The following ZNF493 variants were observed in gnomAD, a reference collection of about 807,000 sequenced individuals.
ZNF493 encodes the protein zinc finger protein 493.
In ZNF493, 11 loss-of-function variants were observed where a neutral mutation model predicts 12.2. The ratio of observed to expected loss-of-function variants is 0.90; its 90% CI spans 0.57 to 1.50. ZNF493 has a LOEUF of 1.50. Among genes scored for constraint, ZNF493 ranks in the 40% most tolerant of loss-of-function variants. ZNF493 has a pLI of 0.00. For synonymous variants in ZNF493, 286 were observed against 302.6 expected, an observed-to-expected ratio of 0.95 and a Z score of 0.57; for missense variants, 950 against 906.6, an observed-to-expected ratio of 1.05 and a Z score of -0.61.
chr19:21,419,267 A>G (rs529311400), intron 3 of ZNF493, among the ~76,000 whole-genome samples: 2 of 152,140 alleles, frequency 1.3e-5, no homozygotes, highest in African/African-American at 2.4e-5. Context: ...TTGGTGTTGG[A>G]TAATTGATTG....
chr19:21,410,394 G>A (rs1202694144), intron 3 of ZNF493, among the ~76,000 whole-genome samples: 2 of 151,974 alleles, frequency 1.3e-5, no homozygotes, highest in African/African-American at 2.4e-5. Context: ...TTTTATAGTG[G>A]CCATTGTAAT....
chr19:21,417,113 A>G (rs891580061), intron 3 of ZNF493, among the ~76,000 whole-genome samples: 5 of 152,170 alleles, frequency 3.3e-5, no homozygotes, highest in African/African-American at 1.2e-4. Flanking sequence ...TCAGGTTCCC[A>G]TCTTTATCAA....
At chr19:21,415,078 T>G (rs2030440246) in intron 3 of ZNF493, among the ~76,000 whole-genome samples, 1 of 152,146 alleles carries the variant, frequency 6.6e-6, no homozygotes, top group African/African-American at 2.4e-5. Flanking sequence ...AGCGATTTGA[T>G]TTAAATAAGG....
intron 3 of ZNF493, chr19:21,408,208 T>C (rs4341872): frequency 0.72 from 652,982 of 901,934 alleles, 236,342 homozygotes; most frequent in Middle Eastern, 0.74. Flanking sequence ...TCATCAAAAC[T>C]TTTGCCTCCC....
intron 3 of ZNF493, 85 bp from the exon 4 acceptor site, chr19:21,422,828 T>G: frequency 8.2e-7 from 1 of 1,224,418 alleles, no homozygotes; most frequent in Non-Finnish European, 1.1e-6. Flanking sequence ...TTTATGCAGT[T>G]TGTATAATAT....
In ZNF493 at chr19:21,427,268, A is replaced by G. The variant is rs902883132; in HGVS notation, c.*2284A>G. ...TTTTGCATTATGAGAAAACTAGTATATTATTCATATATTTTACTAATTGTA... is the reference window on the plus strand; with the variant it reads ...TTTTGCATTATGAGAAAACTAGTATGTTATTCATATATTTTACTAATTGTA... On this transcript the variant is annotated 3_prime_UTR_variant, in exon 4 of 4. Transcript: ENST00000392288. 6.1e-6 allele frequency: 1 copy of G among 163,720 alleles called. No individual in the cohort carries two copies. Among genetic ancestry groups the G allele is most frequent in the Admixed American group, 6.6e-5 (1 of 15,144 alleles). 10.1% of individuals were successfully genotyped at this position (163,720 alleles called of 1,614,324 possible).
At chr19:21,399,158 A>T (rs1449191489) in intron 1 of ZNF493, among the ~76,000 whole-genome samples, 1 of 151,730 alleles carries the variant, frequency 6.6e-6, no homozygotes, top group Non-Finnish European at 1.5e-5. Context: ...TTTATTTTTT[A>T]TTTTTTATTT....
In ZNF493 at chr19:21,405,134, G is replaced by A. The variant is rs373192351; in HGVS notation, c.36G>A (p.Pro12=). 2.7e-5 allele frequency: 44 copies of A among 1,612,090 alleles called. No homozygotes were observed. The highest frequency in any genetic ancestry group is 2.1e-4 in the African/African-American group (16 of 74,508). ...TTTGTGTGTGTTTGTTTCAGGGGCC[G>A]TTGACATTTAGGGATGTGGCCATAG... is the stretch of plus-strand genomic sequence containing the variant. The part of the protein sequence containing the change: ...PGPPESLDMG[P]LTFRDVAIEF... The change falls in exon 2 of 4, where the codon CCG becomes CCA. Residue 12 remains proline, a synonymous_variant. Transcript: ENST00000392288.
At chr19:21,420,306 T>A (rs911008289) in intron 3 of ZNF493, among the ~76,000 whole-genome samples, 7 of 152,022 alleles carry the variant, frequency 4.6e-5, no homozygotes, top group African/African-American at 1.7e-4. Flanking sequence ...TTTTATATGC[T>A]TTTACTTCTT....
At chr19:21,407,707 T>C (rs183227079) in intron 3 of ZNF493, 29 of 976,192 alleles carry the variant, frequency 3.0e-5, no homozygotes, top group Non-Finnish European at 3.4e-5. Context: ...ATTATTAGTT[T>C]AGACAAATTT....
chr19:21,409,724 G>A (rs1344026740), intron 3 of ZNF493, among the ~76,000 whole-genome samples: 2 of 152,114 alleles, frequency 1.3e-5, no homozygotes, highest in East Asian at 3.9e-4. Context: ...CAGCTTGGGT[G>A]ACAGAGTGAG....
At chr19:21,401,923 C>T (rs1437921809) in intron 1 of ZNF493, among the ~76,000 whole-genome samples, 1 of 151,806 alleles carries the variant, frequency 6.6e-6, no homozygotes, top group African/African-American at 2.4e-5. Context: ...AGCCACCATG[C>T]CCGGTCAGCT....
At position 21,423,548 on chromosome 19, in the gene ZNF493, C is replaced by A. The variant is rs544131210; in HGVS notation, c.889C>A (p.Gln297Lys). The A allele has an allele frequency of 1.9e-5, 31 of 1,613,238 alleles. No homozygotes were observed. The highest frequency in any genetic ancestry group is 2.5e-5 in the Non-Finnish European group (29 of 1,179,698). ...HTREKPYKCE[Q>K]YGKTFNQSST... is the part of the protein sequence containing the mutation. ...TAGAGAGAAACCCTATAAATGTGAA[C>A]AATATGGCAAAACTTTTAACCAATC... The change falls in exon 4 of 4, where the codon CAA (glutamine) becomes AAA (lysine). Residue 297 changes from glutamine to lysine, a missense_variant. Coordinates refer to ENST00000392288, the MANE Select transcript of ZNF493 (RefSeq NM_001076678.3).
chr19:21,407,838 C>T, intron 3 of ZNF493: 9 of 985,352 alleles, frequency 9.1e-6, no homozygotes, highest in Non-Finnish European at 1.1e-5. Context: ...CTGCCACATG[C>T]TTCCAGTGCT....
intron 1 of ZNF493, among the ~76,000 whole-genome samples, chr19:21,400,148 A>G (rs1431944398): frequency 6.6e-6 from 1 of 152,220 alleles, no homozygotes; most frequent in East Asian, 1.9e-4. Context: ...GCGGTGGCTC[A>G]TGCCTGTAAT....
chr19:21,410,973 G>A (rs1298319584), intron 3 of ZNF493, among the ~76,000 whole-genome samples: 2 of 151,848 alleles, frequency 1.3e-5, no homozygotes, highest in African/African-American at 4.8e-5. Context: ...TGTATTTTTT[G>A]TAGAGACGGT....
chr19:21,414,890 G>A (rs906874973), intron 3 of ZNF493, among the ~76,000 whole-genome samples: 1 of 152,168 alleles, frequency 6.6e-6, no homozygotes, highest in African/African-American at 2.4e-5. Context: ...AACTGAAACA[G>A]TTTTGTTTTA....
rs1420261400 is a variant in ZNF493, at chr19:21,397,214, G to A, written c.-24G>A. On this transcript the variant is annotated 5_prime_UTR_variant, in exon 1 of 4. Transcript: ENST00000392288. The stretch of plus-strand genomic sequence containing the variant: ...AGCGTGTGTGGCTTCGTGACCTGAA[G>A]ATACTGGGAAATCCATAGCTAAGAT... The A allele has an allele frequency of 1.2e-6, 2 of 1,614,182 alleles. No homozygotes were observed. The highest frequency in any genetic ancestry group is 1.7e-6 in the Non-Finnish European group (2 of 1,180,006).
Position 21,426,538 on chromosome 19 carries a change from C to T in ZNF493, c.*1554C>T, listed in dbSNP as rs1335700752. The T allele has an allele frequency of 2.4e-5, 4 of 166,794 alleles. No individual in the cohort carries two copies. The highest frequency in any genetic ancestry group is 9.7e-5 in the African/African-American group (4 of 41,396). 10.3% of individuals were successfully genotyped at this position (166,794 alleles called of 1,614,324 possible). A position where few individuals can be genotyped will look rare whatever the true frequency, so the allele number is the denominator to read the frequency against. The stretch of plus-strand genomic sequence containing the variant: ...ACAACCATAAAGAGGGTTGAAGTAC[C>T]TTTACTTGTATCAGATCTTATTGTC... On this transcript the variant is annotated 3_prime_UTR_variant, in exon 4 of 4. Coordinates refer to ENST00000392288, the MANE Select transcript of ZNF493 (RefSeq NM_001076678.3).
Sources: gnomAD v4.1 joint callset for allele counts (sites outside exome capture counted in the v4.1 genomes callset) on GRCh38, gnomAD v4.1.1 for gene constraint, MANE v1.5 for transcripts, NCBI Gene and HGNC (gene_info 2026-07-23, HGNC 2026-07-21) for gene names.